Variants in EPB41L4A observed in about 807,000 individuals in gnomAD.
The protein encoded by EPB41L4A is erythrocyte membrane protein band 4.1 like 4A, also known as band 4.1-like protein 4A.
In EPB41L4A, 100 loss-of-function variants were observed where a neutral mutation model predicts 108.6. The ratio of observed to expected loss-of-function variants is 0.92; its 90% CI spans 0.78 to 1.09. The LOEUF is 1.09. EPB41L4A is among the 50% of genes least tolerant of loss of function. The pLI, the probability that EPB41L4A is intolerant of heterozygous loss-of-function variation, is 0.00. For missense variants in EPB41L4A, 1,030 were observed against 842.7 expected, an observed-to-expected ratio of 1.22 and a Z score of -2.75; for synonymous variants, 319 against 289.0, an observed-to-expected ratio of 1.10 and a Z score of -1.05.
intron 9 of EPB41L4A, among the ~76,000 whole-genome samples, chr5:112,244,407 T>C (rs535676806): frequency 2.6e-4 from 39 of 152,206 alleles, no homozygotes; most frequent in Middle Eastern, 3.4e-3. Context: ...TTGTCACGCA[T>C]TGAGAAAGAA....
At chr5:112,266,462 G>A in intron 4 of EPB41L4A, 132 bp from the exon 5 acceptor site, 1 of 623,446 alleles carries the variant, frequency 1.6e-6, no homozygotes, top group Non-Finnish European at 2.8e-6. Flanking sequence ...TCTTGTGTGA[G>A]GGGGCTGTTG....
At chr5:112,340,064 C>A (rs1757211342) in intron 1 of EPB41L4A, among the ~76,000 whole-genome samples, 1 of 152,068 alleles carries the variant, frequency 6.6e-6, no homozygotes, top group African/African-American at 2.4e-5. Context: ...CCCTCATATC[C>A]AATGCTCACA....
chr5:112,359,603 C>T (rs577474321), intron 1 of EPB41L4A, among the ~76,000 whole-genome samples: 2 of 151,502 alleles, frequency 1.3e-5, no homozygotes, highest in South Asian at 2.1e-4. Flanking sequence ...TGCAGTGGCG[C>T]GATCTCAGCT....
chr5:112,298,800 T>C (rs937479525), intron 2 of EPB41L4A, among the ~76,000 whole-genome samples: 4 of 152,176 alleles, frequency 2.6e-5, no homozygotes, highest in Non-Finnish European at 5.9e-5. Flanking sequence ...TTGGTAATTT[T>C]TTTATTACCA....
At chr5:112,376,669 T>A (rs1759840990) in intron 1 of EPB41L4A, among the ~76,000 whole-genome samples, 1 of 152,144 alleles carries the variant, frequency 6.6e-6, no homozygotes, top group Non-Finnish European at 1.5e-5. Context: ...TGTTAGTACA[T>A]CCATACCATG....
chr5:112,376,250 C>T (rs1360275247), intron 1 of EPB41L4A, among the ~76,000 whole-genome samples: 2 of 152,158 alleles, frequency 1.3e-5, no homozygotes, highest in African/African-American at 4.8e-5. Context: ...AAAGAGGATA[C>T]AGATGGCAAT....
At chr5:112,187,925 G>A (rs1352381836) in intron 17 of EPB41L4A, among the ~76,000 whole-genome samples, 57 of 152,120 alleles carry the variant, frequency 3.7e-4, no homozygotes, top group Non-Finnish European at 4.4e-5. Context: ...CAGAGACCTT[G>A]GACAAACTGC....
chr5:112,405,213 T>C (rs1368790173), intron 1 of EPB41L4A, among the ~76,000 whole-genome samples: 2 of 152,310 alleles, frequency 1.3e-5, no homozygotes, highest in East Asian at 1.9e-4. Context: ...CAGGAGTCTA[T>C]GGAGCAGCCC....
Position 112,163,728 on chromosome 5 carries a change from A to T in EPB41L4A, c.*1262T>A, listed in dbSNP as rs1422690997. On this transcript the variant is annotated 3_prime_UTR_variant, in exon 23 of 23. Coordinates refer to ENST00000261486, the MANE Select transcript of EPB41L4A (RefSeq NM_022140.5). ...GAAAACTGGCTGAGAATGAGAGGAA[A>T]ATCTTAGTTGCTTGGCGGGAGGGGG... The T allele has an allele frequency of 6.6e-6, 1 of 152,140 alleles. No individual in the cohort carries two copies. Among genetic ancestry groups the T allele is most frequent in the Non-Finnish European group, 1.5e-5 (1 of 68,038 alleles). The allele number at this position is 152,140 out of a possible 1,614,324, so 9.4% of individuals were successfully genotyped here. A position where few individuals can be genotyped will look rare whatever the true frequency, so the allele number is the denominator to read the frequency against.
At chr5:112,346,572 T>C (rs1359164121) in intron 1 of EPB41L4A, among the ~76,000 whole-genome samples, 1 of 152,060 alleles carries the variant, frequency 6.6e-6, no homozygotes, top group Non-Finnish European at 1.5e-5. Context: ...ACTAATAAAA[T>C]GCCTAGAGGT....
intron 4 of EPB41L4A, among the ~76,000 whole-genome samples, chr5:112,273,451 T>A (rs1379819227): frequency 6.6e-6 from 1 of 152,214 alleles, no homozygotes; most frequent in Non-Finnish European, 1.5e-5. Context: ...AAAACAATGA[T>A]CTTTTTTATC....
At chr5:112,224,609 A>C (rs1356396735) in intron 12 of EPB41L4A, among the ~76,000 whole-genome samples, 2 of 152,196 alleles carry the variant, frequency 1.3e-5, no homozygotes, top group Non-Finnish European at 2.9e-5. Context: ...CAGACCAGGA[A>C]TTCAGGGCTA....
At chr5:112,286,280 AC>A (rs1287835386) in intron 2 of EPB41L4A, among the ~76,000 whole-genome samples, 1 of 152,022 alleles carries the variant, frequency 6.6e-6, no homozygotes, top group East Asian at 1.9e-4. Context: ...CCCATGGGTA[AC>A]TCCAATTCCC....
chr5:112,160,220 AT>A (rs376316116), downstream of EPB41L4A, among the ~76,000 whole-genome samples: 1,113 of 152,106 alleles, frequency 7.3e-3, 7 homozygotes, highest in Middle Eastern at 0.01. Flanking sequence ...TTCTTTTCAC[AT>A]TTTATGTGGC....
At position 112,168,756 on chromosome 5, in the gene EPB41L4A, C is replaced by A. The variant is rs768025406; in HGVS notation, c.1915G>T (p.Asp639Tyr). Reference sequence around the variant, plus strand: ...TTACTAACCTGATGAACTGTAGCATCCCCAGAACCCTGAGCATCCGAAGAA... The same window carrying A: ...TTACTAACCTGATGAACTGTAGCATACCCAGAACCCTGAGCATCCGAAGAA... ...TRSSDAQGSG[D>Y]ATVHQRRNGS... The change falls in exon 22 of 23, where the codon GAT (aspartate) becomes TAT (tyrosine). Residue 639 changes from aspartate (D) to tyrosine (Y), a missense_variant. Transcript: ENST00000261486. 1 of 1,613,670 alleles carries A rather than the reference C, an allele frequency of 6.2e-7. No homozygotes were observed. The highest frequency in any genetic ancestry group is 8.5e-7 in the Non-Finnish European group (1 of 1,179,692).
chr5:112,191,753 G>GT (rs1041856030), intron 17 of EPB41L4A, among the ~76,000 whole-genome samples: 47 of 151,880 alleles, frequency 3.1e-4, no homozygotes, highest in African/African-American at 1.1e-3. Flanking sequence ...CTTCCAGAAA[G>GT]TAAAAGTGAC....
chr5:112,239,820 T>G, intron 10 of EPB41L4A, 83 bp from the exon 11 acceptor site: 1 of 771,686 alleles, frequency 1.3e-6, no homozygotes, highest in Non-Finnish European at 2.1e-6. Flanking sequence ...ACACAAACTT[T>G]ATAAAGGACT....
chr5:112,241,142 T>G (rs914882232), intron 9 of EPB41L4A, among the ~76,000 whole-genome samples: 1 of 152,110 alleles, frequency 6.6e-6, no homozygotes, highest in Non-Finnish European at 1.5e-5. Flanking sequence ...GCACGGACCA[T>G]GTGAAAATCA....
At chr5:112,380,421 AAT>A (rs1446249282) in intron 1 of EPB41L4A, among the ~76,000 whole-genome samples, 5 of 152,186 alleles carry the variant, frequency 3.3e-5, no homozygotes, top group African/African-American at 1.2e-4. Context: ...CATTCTACAG[AAT>A]ATATGTTATA....
Sources: allele counts gnomAD v4.1 joint callset (sites outside exome capture counted in the v4.1 genomes callset), GRCh38; gene constraint gnomAD v4.1.1; transcripts MANE v1.5; gene names NCBI Gene and HGNC (gene_info 2026-07-23, HGNC 2026-07-21).